Variants in TTLL1 observed in about 807,000 individuals in gnomAD.
TTLL1 encodes the protein TTL family tubulin polyglutamylase complex subunit L1.
A neutral mutation model predicts 47.8 loss-of-function variants in TTLL1; 33 were observed. The observed-to-expected ratio is 0.69, with a 90% CI of 0.52 to 0.92. TTLL1 has a LOEUF of 0.92. Among genes scored for constraint, TTLL1 ranks in the 40% least tolerant of loss-of-function variants. TTLL1 has a pLI of 0.00. For synonymous variants in TTLL1, 225 were observed against 214.1 expected (o/e 1.05, Z -0.45); for missense variants, 488 against 547.5 (o/e 0.89, Z 1.08).
At chr22:43,055,669 T>C (rs919671288) in intron 8 of TTLL1, among the ~76,000 whole-genome samples, 4 of 151,724 alleles carry the variant, frequency 2.6e-5, no homozygotes, top group Non-Finnish European at 4.4e-5. Context: ...AGACAGCATC[T>C]TGCTATGTGG....
chr22:43,053,044 G>A lies in TTLL1; in HGVS notation c.892-1157C>T, dbSNP rs777052636. Among the ~76,000 whole-genome samples, 142 of 152,192 alleles carry A rather than the reference G, an allele frequency of 9.3e-4. 1 individual carries two copies. The highest frequency in any genetic ancestry group is 4.7e-4 in the Non-Finnish European group (32 of 68,012). ...CACTGCACTCCAGCCTGGGCAACAA[G>A]AGCGAAACTCTGTCTCAAAAAACAA... is the stretch of plus-strand genomic sequence containing the variant. On this transcript the variant is annotated intron_variant, in intron 8 of 10. Transcript: ENST00000266254.
intron 10 of TTLL1, among the ~76,000 whole-genome samples, chr22:43,045,543 T>C (rs1926056465): frequency 7.5e-6 from 1 of 132,610 alleles, no homozygotes; most frequent in Non-Finnish European, 1.5e-5. Context: ...ACTCCTGACC[T>C]CAGGTGATCT....
chr22:43,086,844 C>T (rs574130964), intron 1 of TTLL1, among the ~76,000 whole-genome samples: 6 of 152,168 alleles, frequency 3.9e-5, no homozygotes, highest in South Asian at 2.1e-4. Context: ...CACCCAGCAG[C>T]GGACCAATGT....
chr22:43,068,661 C>A (rs1039797964), intron 4 of TTLL1, 71 bp from the exon 5 acceptor site: 28 of 1,340,182 alleles, frequency 2.1e-5, no homozygotes, highest in Non-Finnish European at 1.9e-5. Context: ...AAGATCTTGC[C>A]CTTGCCTTTC....
At chr22:43,081,726 T>C (rs373219828) in intron 1 of TTLL1, among the ~76,000 whole-genome samples, 34 of 151,764 alleles carry the variant, frequency 2.2e-4, no homozygotes, top group East Asian at 1.9e-3. Flanking sequence ...TTTTGTATTT[T>C]TACTAGAGAT....
At chr22:43,051,185 G>T (rs1292472580) in intron 9 of TTLL1, among the ~76,000 whole-genome samples, 1 of 152,238 alleles carries the variant, frequency 6.6e-6, no homozygotes, top group Non-Finnish European at 1.5e-5. Context: ...TGGCTCCAGA[G>T]CAACGGTTGG....
intron 9 of TTLL1, among the ~76,000 whole-genome samples, chr22:43,050,084 GA>G (rs1926494538): frequency 6.8e-6 from 1 of 146,580 alleles, no homozygotes; most frequent in East Asian, 2.1e-4. Context: ...GCGACAGAGT[GA>G]GACTCCGTCT....
chr22:43,075,917 T>C (rs970897010), intron 2 of TTLL1, among the ~76,000 whole-genome samples: 6 of 152,104 alleles, frequency 3.9e-5, no homozygotes, highest in African/African-American at 1.4e-4. Context: ...TGGTGGGAGA[T>C]AGAGGCAGCC....
rs1402795146 is a variant in TTLL1 at position 43,046,574 on chromosome 22, C to T, written c.979-1G>A. 3.1e-6 allele frequency: 5 copies of T among 1,613,156 alleles called. No homozygotes were observed. The highest frequency in any genetic ancestry group is 4.2e-6 in the Non-Finnish European group (5 of 1,179,280). ...ACGTGAGAGACGGGGACGCATTCACCTGTGAGATGAAAGACCCATGTTCCT... is the reference window on the plus strand; with the variant it reads ...ACGTGAGAGACGGGGACGCATTCACTTGTGAGATGAAAGACCCATGTTCCT... On this transcript the variant is annotated splice_acceptor_variant, in intron 9 of 10. Coordinates refer to ENST00000266254, the MANE Select transcript of TTLL1 (RefSeq NM_012263.5). LOFTEE classifies it high-confidence loss of function.
intron 1 of TTLL1, among the ~76,000 whole-genome samples, chr22:43,082,260 A>C (rs1928947909): frequency 6.6e-6 from 1 of 151,874 alleles, no homozygotes; most frequent in Non-Finnish European, 1.5e-5. Context: ...TATCATCACC[A>C]ATAGCTTGAG....
intron 7 of TTLL1, among the ~76,000 whole-genome samples, chr22:43,063,397 G>A (rs1178556729): frequency 1.3e-5 from 2 of 151,744 alleles, no homozygotes; most frequent in African/African-American, 2.4e-5. Context: ...GATACTCTTT[G>A]AGTATCACTT....
chr22:43,050,737 G>A (rs1926559420), intron 9 of TTLL1, among the ~76,000 whole-genome samples: 1 of 152,112 alleles, frequency 6.6e-6, no homozygotes, highest in Admixed American at 6.6e-5. Flanking sequence ...TGGCCAGGCT[G>A]GTCTTGAATT....
chr22:43,072,295 C>A (rs1014290534), intron 3 of TTLL1, among the ~76,000 whole-genome samples: 1 of 151,438 alleles, frequency 6.6e-6, no homozygotes, highest in South Asian at 2.1e-4. Context: ...CTGGGACTAC[C>A]GGCACTCGCC....
In TTLL1 at chr22:43,039,821, G is replaced by A. The variant is rs746533335; in HGVS notation, c.1227C>T (p.Gly409=). 6.2e-7 allele frequency: 1 copy of A among 1,613,898 alleles called. No homozygotes were observed. Among genetic ancestry groups the A allele is most frequent in the East Asian group, 2.2e-5 (1 of 44,868 alleles). Residue 409 remains glycine, a synonymous_variant, in exon 11 of 11, where the codon GGC becomes GGT. Coordinates refer to ENST00000266254, the MANE Select transcript of TTLL1 (RefSeq NM_012263.5). The stretch of plus-strand genomic sequence containing the variant: ...CCGCTCTCCCCGAGTCTCTCGATCG[G>A]CCTGCTCTGGGCCCCAGAGACTGAC... ...RQGQSLGPRA[G]RSRDSGRAVL...
At chr22:43,082,335 A>T (rs1266634819) in intron 1 of TTLL1, among the ~76,000 whole-genome samples, 1 of 152,116 alleles carries the variant, frequency 6.6e-6, no homozygotes, top group South Asian at 2.1e-4. Context: ...AGCCCAGTCA[A>T]GACAGCTACA....
intron 8 of TTLL1, among the ~76,000 whole-genome samples, chr22:43,057,890 G>T (rs967626534): frequency 3.3e-5 from 5 of 151,716 alleles, no homozygotes; most frequent in African/African-American, 1.2e-4. Context: ...GGAGTCATAT[G>T]CGAGTAACAA....
chr22:43,064,042 G>A, intron 6 of TTLL1, 121 bp from the exon 7 acceptor site: 1 of 1,475,900 alleles, frequency 6.8e-7, no homozygotes, highest in Non-Finnish European at 9.3e-7. Context: ...TCGGCATCGG[G>A]CCTGACTGCT....
intron 5 of TTLL1, among the ~76,000 whole-genome samples, chr22:43,066,325 C>T (rs1422554520): frequency 6.6e-6 from 1 of 151,924 alleles, no homozygotes; most frequent in Non-Finnish European, 1.5e-5. Context: ...AGGACACACC[C>T]CCTGCCCCAG....
intron 10 of TTLL1, among the ~76,000 whole-genome samples, chr22:43,042,507 AG>A (rs1925765876): frequency 6.6e-6 from 1 of 152,248 alleles, no homozygotes; most frequent in Non-Finnish European, 1.5e-5. Flanking sequence ...ACTTCGGAAC[AG>A]GGTCCTGGAG....
Sources: allele counts gnomAD v4.1 joint callset (sites outside exome capture counted in the v4.1 genomes callset), GRCh38; gene constraint gnomAD v4.1.1; transcripts MANE v1.5; gene names NCBI Gene and HGNC (gene_info 2026-07-23, HGNC 2026-07-21).